TCF7L1: variants seen among roughly 807,000 people sequenced by gnomAD.
TCF7L1 encodes transcription factor 7-like 1.
A neutral mutation model predicts 63.7 loss-of-function variants in TCF7L1; 18 were observed. That is an observed-to-expected ratio of 0.28 (90% CI 0.20 to 0.42). The LOEUF is 0.42. TCF7L1 is among the 10% of genes least tolerant of loss of function. TCF7L1 has a pLI of 1.00. For synonymous variants in TCF7L1, 355 were observed against 340.9 expected, an observed-to-expected ratio of 1.04 and a Z score of -0.46; for missense variants, 654 against 779.3, an observed-to-expected ratio of 0.84 and a Z score of 1.91.
Position 85,133,990 on chromosome 2 carries a change from C to T in TCF7L1, c.250-26C>T, listed in dbSNP as rs373254287. The T allele has an allele frequency of 1.9e-6, 3 of 1,607,338 alleles. No individual in the cohort carries two copies. The highest frequency in any genetic ancestry group is 3.4e-5 in the Admixed American group (2 of 59,544). On this transcript the variant is annotated intron_variant, in intron 1 of 11. Coordinates refer to ENST00000282111, the MANE Select transcript of TCF7L1 (RefSeq NM_031283.3). The surrounding 1 kb of genome is among the most constrained non-coding windows in gnomAD (Gnocchi z 4.4). ...TCCCGGCCCTGCGTCCGCTCACCCGCTCTTGCCTTTGTGTCTCCTCCGCAG... is the reference window on the plus strand; with the variant it reads ...TCCCGGCCCTGCGTCCGCTCACCCGTTCTTGCCTTTGTGTCTCCTCCGCAG...
intron 3 of TCF7L1, among the ~76,000 whole-genome samples, chr2:85,229,962 A>G (rs1376542348): frequency 6.6e-6 from 1 of 152,174 alleles, no homozygotes; most frequent in Non-Finnish European, 1.5e-5. Flanking sequence ...GAGCTGAGAT[A>G]GTGCCAGTAA....
intron 3 of TCF7L1, among the ~76,000 whole-genome samples, chr2:85,149,346 TACAC>T (rs58712600): frequency 1.8e-4 from 28 of 151,850 alleles, no homozygotes; most frequent in Middle Eastern, 3.4e-3. Context: ...TATATGTGTA[TACAC>T]ACACACACTA....
chr2:85,151,516 C>G (rs1678013549), intron 3 of TCF7L1, among the ~76,000 whole-genome samples: 1 of 152,164 alleles, frequency 6.6e-6, no homozygotes, highest in African/African-American at 2.4e-5. Context: ...TACTAATTAT[C>G]AGCACCCACA....
Position 85,305,385 on chromosome 2 carries a change from T to C in TCF7L1, c.971T>C (p.Leu324Pro). ...IVKQEPAPPS[L>P]SPAVSVKSPV... is the part of the protein sequence containing the mutation. ...AAGCAGGAACCGGCACCCCCCAGCCTGAGCCCTGCAGTGAGCGTGTAAGTA... is the reference window on the plus strand; with the variant it reads ...AAGCAGGAACCGGCACCCCCCAGCCCGAGCCCTGCAGTGAGCGTGTAAGTA... The change falls in exon 8 of 12, where the codon CTG becomes CCG. Residue 324 changes from leucine to proline, a missense_variant. Around this residue, in one of 3 missense-constraint regions of TCF7L1, gnomAD observed 404 missense variants for 454.8 expected, o/e 0.89. Coordinates refer to ENST00000282111, the MANE Select transcript of TCF7L1 (RefSeq NM_031283.3). 1 of 1,612,330 alleles carries C rather than the reference T, an allele frequency of 6.2e-7. No individual in the cohort carries two copies. Among genetic ancestry groups the C allele is most frequent in the Non-Finnish European group, 8.5e-7 (1 of 1,179,150 alleles).
At position 85,133,594 on chromosome 2, in the gene TCF7L1, G is replaced by A; in HGVS notation, c.-91G>A. On this transcript the variant is annotated 5_prime_UTR_variant, in exon 1 of 12. Coordinates refer to ENST00000282111, the MANE Select transcript of TCF7L1 (RefSeq NM_031283.3). This position sits in a 1 kb window ranked among gnomAD's most constrained non-coding sequence, Gnocchi z 4.4. ...TTGCGGCGGCTAGCGCAGCGGGCCC[G>A]CAAGCGGGCGGGAGGGGCGCCGGGC... is the stretch of plus-strand genomic sequence containing the variant. The A allele has an allele frequency of 2.5e-6, 1 of 393,974 alleles. No homozygotes were observed. Among genetic ancestry groups the A allele is most frequent in the Non-Finnish European group, 3.4e-6 (1 of 291,616 alleles). The allele number at this position is 393,974 out of a possible 1,614,324, so 24.4% of individuals were successfully genotyped here.
In TCF7L1 at chr2:85,232,110, T is replaced by C. The variant is rs374597002; in HGVS notation, c.442-51385T>C. On this transcript the variant is annotated intron_variant, in intron 3 of 11. Transcript: ENST00000282111. Reference sequence around the variant, plus strand: ...GCATCTGACTGGTGAGCCTCCCAGATCAGCAGCCCACAAGGCGATCGGGTC... The same window carrying C: ...GCATCTGACTGGTGAGCCTCCCAGACCAGCAGCCCACAAGGCGATCGGGTC... Among the ~76,000 whole-genome samples, 25 of 152,300 alleles carry C rather than the reference T, an allele frequency of 1.6e-4. No individual in the cohort carries two copies. The South Asian group carries it at 5.0e-3, about 30-fold the overall frequency.
chr2:85,294,396 C>A (rs1447879562), intron 4 of TCF7L1, among the ~76,000 whole-genome samples: 4 of 152,088 alleles, frequency 2.6e-5, no homozygotes, highest in Non-Finnish European at 5.9e-5. Flanking sequence ...TCACACTTTG[C>A]AGAGTTTGAT....
At chr2:85,305,209 G>A (rs1484577368) in intron 7 of TCF7L1, 51 bp from the exon 8 acceptor site, 4 of 1,613,888 alleles carry the variant, frequency 2.5e-6, no homozygotes, top group Non-Finnish European at 3.4e-6. Context: ...CTGGGTGGCA[G>A]GTATCCAGCC....
chr2:85,250,581 C>A (rs976410818), intron 3 of TCF7L1, among the ~76,000 whole-genome samples: 5 of 151,962 alleles, frequency 3.3e-5, no homozygotes, highest in African/African-American at 1.2e-4. Context: ...GGATTACAGG[C>A]GCCGGCCACC....
rs1280322138 is a variant in TCF7L1, at chr2:85,309,537, C to T, written c.*75C>T. The T allele has an allele frequency of 1.2e-5, 18 of 1,458,144 alleles. No homozygotes were observed. Among genetic ancestry groups the T allele is most frequent in the Non-Finnish European group, 1.7e-5 (18 of 1,088,846 alleles). The allele number at this position is 1,458,144 out of a possible 1,614,324, so 90.3% of individuals were successfully genotyped here. A position where few individuals can be genotyped will look rare whatever the true frequency, so the allele number is the denominator to read the frequency against. On this transcript the variant is annotated 3_prime_UTR_variant, in exon 12 of 12. Coordinates refer to ENST00000282111, the MANE Select transcript of TCF7L1 (RefSeq NM_031283.3). ...ATTCAGAAGAAAAAGAAAAAGGAGA[C>T]TTTATTGGTCAATATTTGACCACTC... is the stretch of plus-strand genomic sequence containing the variant.
chr2:85,298,826 G>A (rs1681894533), intron 4 of TCF7L1, among the ~76,000 whole-genome samples: 1 of 152,016 alleles, frequency 6.6e-6, no homozygotes, highest in African/African-American at 2.4e-5. Flanking sequence ...TCCTGCCCCT[G>A]GGGGCAGCTG....
At chr2:85,225,411 A>G (rs1362399555) in intron 3 of TCF7L1, among the ~76,000 whole-genome samples, 1 of 152,242 alleles carries the variant, frequency 6.6e-6, no homozygotes, top group African/African-American at 2.4e-5. Flanking sequence ...ATCCATGAGC[A>G]TGGAATGTTC....
intron 3 of TCF7L1, among the ~76,000 whole-genome samples, chr2:85,280,372 T>C (rs1681382576): frequency 6.6e-6 from 1 of 152,180 alleles, no homozygotes; most frequent in South Asian, 2.1e-4. Flanking sequence ...ACTACAGTCC[T>C]ACAAGCCGAC....
chr2:85,297,038 C>T (rs1681849342), intron 4 of TCF7L1, among the ~76,000 whole-genome samples: 1 of 152,124 alleles, frequency 6.6e-6, no homozygotes, highest in African/African-American at 2.4e-5. Flanking sequence ...AAATGTTTTC[C>T]TTCAAGCACC....
chr2:85,191,371 A>G (rs1679035684), intron 3 of TCF7L1, among the ~76,000 whole-genome samples: 1 of 152,232 alleles, frequency 6.6e-6, no homozygotes, highest in Non-Finnish European at 1.5e-5. Context: ...GCTATGTGAC[A>G]TCTCACAGAC....
intron 3 of TCF7L1, among the ~76,000 whole-genome samples, chr2:85,281,020 CTTTTTTTT>C (rs56111730): frequency 9.5e-6 from 1 of 105,650 alleles, no homozygotes. Context: ...CCATTAGCTC[CTTTTTTTT>C]TTTTTTTTTT....
At chr2:85,251,556 G>C (rs536927502) in intron 3 of TCF7L1, among the ~76,000 whole-genome samples, 2 of 152,140 alleles carry the variant, frequency 1.3e-5, no homozygotes, top group African/African-American at 2.4e-5. Flanking sequence ...TCTGGGCCCC[G>C]CTTGAGGCTG....
At chr2:85,145,981 G>A (rs886482307) in intron 3 of TCF7L1, among the ~76,000 whole-genome samples, 11 of 152,044 alleles carry the variant, frequency 7.2e-5, no homozygotes, top group Non-Finnish European at 1.2e-4. Flanking sequence ...AAAGTGCTGG[G>A]ATTACAGGCA....
At chr2:85,143,652 C>T (rs1420032542) in intron 3 of TCF7L1, among the ~76,000 whole-genome samples, 2 of 152,126 alleles carry the variant, frequency 1.3e-5, no homozygotes, top group South Asian at 2.1e-4. Flanking sequence ...GTTGTGAGTC[C>T]AAAGTCTAGG....
Sources: allele counts gnomAD v4.1 joint callset (sites outside exome capture counted in the v4.1 genomes callset), GRCh38; gene constraint gnomAD v4.1.1; regional missense constraint gnomAD v4.1.1; non-coding constraint Gnocchi (gnomAD v3.1); transcripts MANE v1.5; gene names NCBI Gene and HGNC (gene_info 2026-07-23, HGNC 2026-07-21).